Variants in KIF21A observed in about 807,000 individuals in gnomAD.
KIF21A encodes kinesin-like protein KIF21A.
KIF21A carries 114 observed loss-of-function variants against 202.9 expected under a neutral mutation model. The observed-to-expected ratio is 0.56, with a 90% CI of 0.48 to 0.66. The LOEUF is 0.66. Among genes scored for constraint, KIF21A ranks in the 30% least tolerant of loss-of-function variants. The pLI, the probability that KIF21A is intolerant of heterozygous loss-of-function variation, is 0.00. For missense variants in KIF21A, 1,677 were observed against 1,994.9 expected (o/e 0.84, Z 3.04); for synonymous variants, 667 against 670.8 (o/e 0.99, Z 0.09).
At chr12:39,320,092 T>A in intron 27 of KIF21A, 79 bp from the exon 28 acceptor site, 1 of 778,252 alleles carries the variant, frequency 1.3e-6, no homozygotes, top group Non-Finnish European at 2.2e-6. Context: ...ATCTAAAATT[T>A]GTAATAGGTT....
In KIF21A at chr12:39,341,612, T is replaced by G; in HGVS notation, c.1814A>C (p.Gln605Pro). The change falls in exon 14 of 38, where the codon CAA becomes CCA. Residue 605 changes from glutamine (Q) to proline (P), a missense_variant. This residue lies in a region of KIF21A where 966 missense variants were observed against 1,180.9 expected (regional missense o/e 0.82). Coordinates refer to ENST00000361418, the MANE Select transcript of KIF21A (RefSeq NM_001173464.2). ...TTCATCCTCATGATCACTCACTTCT[T>G]GACTTTCTTCCTAAAATGTGATTTG... ...ENNELEVEESQEVSDHEDEEE... is the reference protein window; with the variant it reads ...ENNELEVEESPEVSDHEDEEE... The G allele has an allele frequency of 6.2e-7, 1 of 1,608,970 alleles. No individual in the cohort carries two copies. The highest frequency in any genetic ancestry group is 8.5e-7 in the Non-Finnish European group (1 of 1,177,682).
chr12:39,391,833 G>T (rs113038904), intron 1 of KIF21A, among the ~76,000 whole-genome samples: 10 of 151,930 alleles, frequency 6.6e-5, no homozygotes, highest in Non-Finnish European at 1.5e-4. Flanking sequence ...TCTGCCTCCC[G>T]GGTTCAAGCA....
Position 39,326,557 on chromosome 12 carries a change from T to A in KIF21A, c.3341-233A>T, listed in dbSNP as rs138596952. ...CAAATAGGAAAACCATGACTTTGAA[T>A]GGTAAACTGTAGAAGAGTAACATCC... On this transcript the variant is annotated intron_variant, in intron 24 of 37. Coordinates refer to ENST00000361418, the MANE Select transcript of KIF21A (RefSeq NM_001173464.2). Among the ~76,000 whole-genome samples the A allele has an allele frequency of 0.015, 2,216 of 152,328 alleles. 29 individuals carry two copies. Among genetic ancestry groups the A allele is most frequent in the Non-Finnish European group, 0.022 (1,488 of 68,020 alleles).
At chr12:39,336,685 A>G (rs1259919723) in intron 17 of KIF21A, among the ~76,000 whole-genome samples, 3 of 152,168 alleles carry the variant, frequency 2.0e-5, no homozygotes, top group Admixed American at 2.0e-4. Flanking sequence ...GTCCTTAGAA[A>G]AGCCTCTTCT....
At chr12:39,324,707 G>C (rs1945673375) in intron 26 of KIF21A, among the ~76,000 whole-genome samples, 1 of 152,178 alleles carries the variant, frequency 6.6e-6, no homozygotes, top group East Asian at 1.9e-4. Context: ...AAACTTGATG[G>C]TGGCTATTTC....
intron 27 of KIF21A, among the ~76,000 whole-genome samples, chr12:39,321,169 C>G (rs541053424): frequency 1.3e-5 from 2 of 152,094 alleles, no homozygotes; most frequent in African/African-American, 4.8e-5. Flanking sequence ...ATAAGAGTTA[C>G]TGCACCAAGT....
chr12:39,326,239 C>T (rs376258755), intron 25 of KIF21A, 25 bp downstream of exon 25: 80 of 1,525,938 alleles, frequency 5.2e-5, no homozygotes, highest in Admixed American at 1.7e-5. Context: ...TAAGTCAACT[C>T]TATTGTTTCT....
intron 7 of KIF21A, among the ~76,000 whole-genome samples, chr12:39,361,651 G>A (rs566993507): frequency 1.4e-5 from 2 of 145,656 alleles, no homozygotes; most frequent in East Asian, 2.1e-4. Context: ...GACTACAGGC[G>A]CCCGCCACCA....
intron 1 of KIF21A, among the ~76,000 whole-genome samples, chr12:39,380,983 T>C (rs1206381049): frequency 6.6e-6 from 1 of 152,130 alleles, no homozygotes; most frequent in Non-Finnish European, 1.5e-5. Context: ...GGTCTCATTA[T>C]ACTCTTCATA....
At chr12:39,373,520 T>C (rs375981827) in intron 1 of KIF21A, among the ~76,000 whole-genome samples, 8 of 152,286 alleles carry the variant, frequency 5.3e-5, no homozygotes, top group Middle Eastern at 3.4e-3. Flanking sequence ...GCTGCTATAC[T>C]ACTCTGTGAA....
chr12:39,316,713 G>A (rs1047820067), intron 29 of KIF21A, among the ~76,000 whole-genome samples: 6 of 152,168 alleles, frequency 3.9e-5, no homozygotes, highest in East Asian at 1.9e-4. Context: ...GGAGATCTGC[G>A]TCTTGCTAGT....
intron 1 of KIF21A, among the ~76,000 whole-genome samples, chr12:39,376,873 T>C (rs1313105164): frequency 6.6e-6 from 1 of 152,184 alleles, no homozygotes; most frequent in African/African-American, 2.4e-5. Flanking sequence ...ATTGGTCAAG[T>C]TATTTCTCCC....
At chr12:39,435,676 C>T (rs1287652646) in intron 1 of KIF21A, among the ~76,000 whole-genome samples, 1 of 151,814 alleles carries the variant, frequency 6.6e-6, no homozygotes, top group African/African-American at 2.4e-5. Context: ...CCCCACCCCA[C>T]ACTCCAGCCA....
intron 22 of KIF21A, among the ~76,000 whole-genome samples, 165 bp from the exon 23 acceptor site, chr12:39,331,076 A>G (rs1166038084): frequency 6.6e-6 from 1 of 152,128 alleles, no homozygotes. Flanking sequence ...GTACAAGTTC[A>G]CCTGTCCAAG....
At chr12:39,322,372 G>T (rs528383233) in intron 27 of KIF21A, 6 of 247,230 alleles carry the variant, frequency 2.4e-5, no homozygotes, top group African/African-American at 1.4e-4. Flanking sequence ...TTTAATTTAG[G>T]TATTTCTATA....
At chr12:39,371,811 C>A (rs1420991144) in intron 1 of KIF21A, among the ~76,000 whole-genome samples, 1 of 151,864 alleles carries the variant, frequency 6.6e-6, no homozygotes, top group African/African-American at 2.4e-5. Context: ...AGCCTGTAAT[C>A]CCAGCTACTC....
chr12:39,353,059 C>G (rs1435418473), intron 10 of KIF21A, among the ~76,000 whole-genome samples: 2 of 152,166 alleles, frequency 1.3e-5, no homozygotes, highest in African/African-American at 4.8e-5. Flanking sequence ...TCTCTCAACA[C>G]TATATTACTA....
intron 11 of KIF21A, among the ~76,000 whole-genome samples, chr12:39,346,858 A>C (rs891606262): frequency 6.6e-6 from 1 of 151,762 alleles, no homozygotes; most frequent in Non-Finnish European, 1.5e-5. Context: ...AGCTTCCCCC[A>C]AAAAAGACCA....
chr12:39,381,181 G>A (rs190396258), intron 1 of KIF21A, among the ~76,000 whole-genome samples: 16 of 151,774 alleles, frequency 1.1e-4, no homozygotes, highest in Admixed American at 2.0e-4. Context: ...GGTGGCGGGC[G>A]CCTGTAGTCT....
Sources: allele counts gnomAD v4.1 joint callset (sites outside exome capture counted in the v4.1 genomes callset), GRCh38; gene constraint gnomAD v4.1.1; regional missense constraint gnomAD v4.1.1; transcripts MANE v1.5; gene names NCBI Gene and HGNC (gene_info 2026-07-23, HGNC 2026-07-21).